NOL4L: variants seen among roughly 807,000 people sequenced by gnomAD.
The protein encoded by NOL4L is nucleolar protein 4 like.
Under a neutral mutation model 64.5 loss-of-function variants are expected in NOL4L, and 7 were observed. The observed-to-expected ratio is 0.11, with a 90% CI of 0.06 to 0.20. The LOEUF is 0.20. Among genes scored for constraint, NOL4L ranks in the 10% least tolerant of loss-of-function variants. The pLI is 1.00. For synonymous variants in NOL4L, 413 were observed against 401.0 expected (o/e 1.03, Z -0.36); for missense variants, 680 against 967.1 (o/e 0.70, Z 3.94).
chr20:32,494,275 AAAAAAAAC>A lies in NOL4L; in HGVS notation c.699+17064_699+17071del, dbSNP rs1568655146. Among the ~76,000 whole-genome samples, 869 of 83,044 alleles carry A rather than the reference AAAAAAAAC, an allele frequency of 0.01. 110 individuals are homozygous for A. The East Asian group carries it at 0.18, about 18-fold the overall frequency. The allele number at this position is 83,044 out of a possible 152,430, so 54.5% of individuals were successfully genotyped here. On this transcript the variant is annotated intron_variant, in intron 4 of 10. Coordinates refer to ENST00000621426, the MANE Select transcript of NOL4L (RefSeq NM_001256798.2). The stretch of plus-strand genomic sequence containing the variant: ...CGGGAAAAAAAAAAAAAAAAAAAAA[AAAAAAAAC>A]ACACAACACACACACACACACAAAC...
Position 32,452,916 on chromosome 20 carries a change from G to A in NOL4L, c.1588C>T (p.Arg530Trp), listed in dbSNP as rs1327455130. The change falls in exon 9 of 11, where the codon CGG becomes TGG. Residue 530 changes from arginine (R) to tryptophan (W), a missense_variant. Transcript: ENST00000621426. ...CESETRKAAK[R>W]MRLEIYQSSQ... is the part of the protein sequence containing the mutation. ...GACTGGTAGATCTCTAGACGCATCC[G>A]CTTGGCTGCCTTTCTTGTCTCGCTC... 1.2e-6 allele frequency: 2 copies of A among 1,614,030 alleles called. No homozygotes were observed. Among genetic ancestry groups the A allele is most frequent in the South Asian group, 1.1e-5 (1 of 91,082 alleles).
chr20:32,542,018 C>G (rs1420835763), intron 1 of NOL4L, among the ~76,000 whole-genome samples: 1 of 152,166 alleles, frequency 6.6e-6, no homozygotes, highest in African/African-American at 2.4e-5. Context: ...TCTGGTCCTT[C>G]CCTGAGGCTG....
chr20:32,584,102 C>CG (rs896212623), intron 1 of NOL4L, among the ~76,000 whole-genome samples: 1 of 141,430 alleles, frequency 7.1e-6, no homozygotes, highest in Admixed American at 6.9e-5. Context: ...CCCTCCCCCC[C>CG]CCCCACCCCG....
At chr20:32,488,808 T>C (rs867520322) in intron 4 of NOL4L, among the ~76,000 whole-genome samples, 736 of 22,804 alleles carry the variant, frequency 0.032, 40 homozygotes, top group East Asian at 0.16. Context: ...TCTTTCTTTT[T>C]CTTTCTTTCT....
At chr20:32,468,227 G>A (rs1185274336) in intron 5 of NOL4L, among the ~76,000 whole-genome samples, 1 of 152,146 alleles carries the variant, frequency 6.6e-6, no homozygotes, top group Non-Finnish European at 1.5e-5. Flanking sequence ...TATTGGGCCC[G>A]ACCACTCCAT....
intron 1 of NOL4L, among the ~76,000 whole-genome samples, chr20:32,558,061 A>G (rs145595521): frequency 9.8e-5 from 15 of 152,356 alleles, no homozygotes; most frequent in African/African-American, 3.6e-4. Context: ...TCAATGTAAC[A>G]GTAATAATGT....
chr20:32,530,282 C>T (rs6119885), intron 1 of NOL4L, among the ~76,000 whole-genome samples: 1 of 152,216 alleles, frequency 6.6e-6, no homozygotes, highest in African/African-American at 2.4e-5. Context: ...TGGCTCACGC[C>T]TGTAATCCCA....
chr20:32,451,838 A>C, intron 10 of NOL4L: 2 of 157,570 alleles, frequency 1.3e-5, no homozygotes, highest in Non-Finnish European at 2.8e-5. Context: ...CTCAGTCGCT[A>C]TGGGTGAGAC....
intron 4 of NOL4L, 83 bp downstream of exon 4, chr20:32,511,264 G>A (rs2017391316): frequency 1.2e-6 from 1 of 818,330 alleles, no homozygotes; most frequent in South Asian, 1.6e-5. Context: ...CACAAGCTGT[G>A]GCCCCAAGTC....
At chr20:32,540,859 C>A (rs2018641012) in intron 1 of NOL4L, among the ~76,000 whole-genome samples, 1 of 151,954 alleles carries the variant, frequency 6.6e-6, no homozygotes, top group Non-Finnish European at 1.5e-5. Flanking sequence ...TCTCCCTGAG[C>A]CCTTGTCCAA....
chr20:32,551,378 A>AATCATCATC (rs58444321), intron 1 of NOL4L, among the ~76,000 whole-genome samples: 2 of 149,540 alleles, frequency 1.3e-5, no homozygotes, highest in Non-Finnish European at 3.0e-5. Context: ...TCGGTCTCAA[A>AATCATCATC]ATCATCATCA....
In NOL4L at chr20:32,550,603, CG is replaced by C. The variant is rs1159881411; in HGVS notation, c.322-22691del. Among the ~76,000 whole-genome samples the C allele has an allele frequency of 2.0e-5, 3 of 152,188 alleles. No individual in the cohort carries two copies. The East Asian group carries it at 5.8e-4, about 29-fold the overall frequency. The stretch of plus-strand genomic sequence containing the variant: ...TCTACTAAAAATACAAAAAAGTGGC[CG>C]GGCGCAGTGGCTCACGCCTATAATC... On this transcript the variant is annotated intron_variant, in intron 1 of 10. Transcript: ENST00000621426.
intron 4 of NOL4L, among the ~76,000 whole-genome samples, chr20:32,509,614 T>C (rs2017301762): frequency 1.3e-5 from 2 of 151,114 alleles, no homozygotes; most frequent in South Asian, 4.3e-4. Flanking sequence ...CAGAGCTCCA[T>C]AAATATTTGT....
chr20:32,509,287 G>C (rs944166479), intron 4 of NOL4L, among the ~76,000 whole-genome samples: 3 of 152,040 alleles, frequency 2.0e-5, no homozygotes, highest in African/African-American at 7.3e-5. Flanking sequence ...GGAGGCCTAG[G>C]CAGGCAGATT....
chr20:32,518,903 T>C (rs2017799961), intron 3 of NOL4L, among the ~76,000 whole-genome samples: 1 of 152,192 alleles, frequency 6.6e-6, no homozygotes, highest in East Asian at 1.9e-4. Context: ...GCATTCAGGA[T>C]CACTGGCTCA....
At chr20:32,509,910 C>T (rs767490496) in intron 4 of NOL4L, 15 of 1,304,066 alleles carry the variant, frequency 1.2e-5, no homozygotes, top group South Asian at 8.6e-5. Context: ...ACAGTGTTTA[C>T]GAAGCCAGGT....
intron 3 of NOL4L, among the ~76,000 whole-genome samples, chr20:32,516,430 A>T (rs1244104234): frequency 1.3e-5 from 2 of 152,136 alleles, no homozygotes; most frequent in African/African-American, 4.8e-5. Flanking sequence ...AGGGTGAAGG[A>T]TGAGCAGGGT....
At chr20:32,584,065 C>T (rs1280856226) in intron 1 of NOL4L, among the ~76,000 whole-genome samples, 3 of 145,046 alleles carry the variant, frequency 2.1e-5, no homozygotes, top group Non-Finnish European at 4.6e-5. Flanking sequence ...GCCCGGCGGA[C>T]TCCCCGTCCC....
intron 4 of NOL4L, among the ~76,000 whole-genome samples, chr20:32,499,343 G>A (rs2016825997): frequency 6.6e-6 from 1 of 152,186 alleles, no homozygotes; most frequent in Non-Finnish European, 1.5e-5. Flanking sequence ...AGAGGCCTGG[G>A]ATAAAGTGTC....
Sources: allele counts gnomAD v4.1 joint callset (sites outside exome capture counted in the v4.1 genomes callset), GRCh38; gene constraint gnomAD v4.1.1; transcripts MANE v1.5; gene names NCBI Gene and HGNC (gene_info 2026-07-23, HGNC 2026-07-21).